AHDC1: variants seen among roughly 807,000 people sequenced by gnomAD.
The protein encoded by AHDC1 is transcription factor Gibbin.
Under a neutral mutation model 87.9 loss-of-function variants are expected in AHDC1, and 7 were observed. The ratio of observed to expected loss-of-function variants is 0.08; its 90% CI spans 0.05 to 0.15. The LOEUF (loss-of-function observed/expected upper bound fraction) is 0.15. Among genes scored for constraint, AHDC1 ranks in the 10% least tolerant of loss-of-function variants. The pLI is 1.00. For missense variants in AHDC1, 1,841 were observed against 2,253.2 expected, an observed-to-expected ratio of 0.82 and a Z score of 3.70; for synonymous variants, 1,051 against 1,006.8, an observed-to-expected ratio of 1.04 and a Z score of -0.83.
chr1:27,589,622 G>A lies in AHDC1; in HGVS notation c.-629+13775C>T, dbSNP rs78166157. On this transcript the variant is annotated intron_variant, in intron 3 of 8. Coordinates refer to ENST00000673934, the MANE Select transcript of AHDC1 (RefSeq NM_001371928.1). ...CGTGTGCTTGTGTTTCTGTATGGGA[G>A]ACTATGCCATGTGTTGTAGTATGGA... Among the ~76,000 whole-genome samples the A allele has an allele frequency of 8.3e-4, 127 of 152,318 alleles. 1 individual carries two copies. The East Asian group carries it at 0.022, about 27-fold the overall frequency.
intron 3 of AHDC1, among the ~76,000 whole-genome samples, chr1:27,589,135 G>T (rs941172621): frequency 1.3e-5 from 2 of 151,974 alleles, no homozygotes; most frequent in African/African-American, 4.8e-5. Context: ...AGGGTGGGGG[G>T]TTCTGACAGA....
At chr1:27,553,757 G>T (rs1188317022) in intron 5 of AHDC1, among the ~76,000 whole-genome samples, 1 of 152,120 alleles carries the variant, frequency 6.6e-6, no homozygotes, top group African/African-American at 2.4e-5. Flanking sequence ...ATGGCCTACA[G>T]CAGCGCTTAA....
At chr1:27,556,170 C>G (rs1461289438) in intron 5 of AHDC1, among the ~76,000 whole-genome samples, 1 of 151,856 alleles carries the variant, frequency 6.6e-6, no homozygotes, top group Non-Finnish European at 1.5e-5. Context: ...CCTTGAGTCC[C>G]CAGCCCCACC....
rs2019427238 is a variant in AHDC1, at chr1:27,549,850, G to A, written c.2266C>T (p.Pro756Ser). 6 of 1,613,210 alleles carry A rather than the reference G, an allele frequency of 3.7e-6. No individual in the cohort carries two copies. In the East Asian group the frequency reaches 1.1e-4, roughly 30 times the overall value. The change falls in exon 8 of 9, where the codon CCC becomes TCC. Residue 756 changes from proline to serine, a missense_variant. Pro to Ser is a moderately conservative substitution (Grantham distance 74, BLOSUM62 -1). This residue lies in a region of AHDC1 where 236 missense variants were observed against 257.9 expected (regional missense o/e 0.92). Coordinates refer to ENST00000673934, the MANE Select transcript of AHDC1 (RefSeq NM_001371928.1). The part of the protein sequence containing the change: ...KNGTLFPEQV[P>S]SGPGFGEAGA... ...GCCTCCCCAAAGCCTGGGCCACTGGGCACCTGCTCTGGGAACAGAGTCCCA... is the reference window on the plus strand; with the variant it reads ...GCCTCCCCAAAGCCTGGGCCACTGGACACCTGCTCTGGGAACAGAGTCCCA...
In AHDC1 at chr1:27,549,338, T is replaced by C. The variant is rs762495070; in HGVS notation, c.2778A>G (p.Ala926=). ...SARQTFPPGR[A]ASYGLTPAAS... ...CGGCTGGAGTTAGCCCATAGCTTGC[T>C]GCTCGTCCTGGTGGGAAGGTCTGGC... Residue 926 remains alanine (A), a synonymous_variant, in exon 8 of 9, where the codon GCA becomes GCG. Transcript: ENST00000673934. 1 of 1,611,504 alleles carries C rather than the reference T, an allele frequency of 6.2e-7. No homozygotes were observed. Among genetic ancestry groups the C allele is most frequent in the Non-Finnish European group, 8.5e-7 (1 of 1,178,446 alleles).
rs1393097051 is a variant in AHDC1, at chr1:27,598,772, C to T, written c.-629+4625G>A. 6.6e-6 allele frequency among the ~76,000 whole-genome samples: 1 copy of T among 152,162 alleles called. No individual in the cohort carries two copies. The highest frequency in any genetic ancestry group is 2.4e-5 in the African/African-American group (1 of 41,414). On this transcript the variant is annotated intron_variant, in intron 3 of 8. Transcript: ENST00000673934. This position sits in a 1 kb window ranked among gnomAD's most constrained non-coding sequence, Gnocchi z 4.2. ...CATCCTGAATCTAGCACCTCACACA[C>T]AAATATATACAGTGCATCCCAGTGC... is the stretch of plus-strand genomic sequence containing the variant.
intron 3 of AHDC1, among the ~76,000 whole-genome samples, chr1:27,594,916 C>T (rs886812542): frequency 6.6e-6 from 1 of 151,748 alleles, no homozygotes; most frequent in Non-Finnish European, 1.5e-5. Context: ...GGTGTGGTAT[C>T]GGGGTGTTTG....
chr1:27,548,287 C>T lies in AHDC1; in HGVS notation c.3829G>A (p.Gly1277Ser), dbSNP rs752509887. The T allele has an allele frequency of 6.8e-5, 110 of 1,607,040 alleles. No individual in the cohort carries two copies. Among genetic ancestry groups the T allele is most frequent in the South Asian group, 3.0e-4 (27 of 90,984 alleles). The change falls in exon 8 of 9, where the codon GGT becomes AGT. Residue 1277 changes from glycine (G) to serine (S), a missense_variant. This residue lies in a region of AHDC1 where 505 missense variants were observed against 626.2 expected (regional missense o/e 0.81). Transcript: ENST00000673934. Reference sequence around the variant, plus strand: ...TCCTTCTTGGCTGAGCAGGCCCCACCGCCCCGTCCACCTCGCGGCTGCCGG... The same window carrying T: ...TCCTTCTTGGCTGAGCAGGCCCCACTGCCCCGTCCACCTCGCGGCTGCCGG... ...GPRQPRGGRG[G>S]GACSAKKERG...
Position 27,562,983 on chromosome 1 carries a change from G to A in AHDC1, c.-628-4100C>T, listed in dbSNP as rs1250968181. 3.3e-5 allele frequency among the ~76,000 whole-genome samples: 5 copies of A among 152,032 alleles called. No homozygotes were observed. Among genetic ancestry groups the A allele is most frequent in the Admixed American group, 1.3e-4 (2 of 15,236 alleles). Reference sequence around the variant, plus strand: ...CTGTCGCTTCCTCCAAACATGAGATGGGCACACCTGACACACCCTCGACAG... The same window carrying A: ...CTGTCGCTTCCTCCAAACATGAGATAGGCACACCTGACACACCCTCGACAG... On this transcript the variant is annotated intron_variant, in intron 3 of 8. Transcript: ENST00000673934. This position sits in a 1 kb window ranked among gnomAD's most constrained non-coding sequence, Gnocchi z 4.4.
At chr1:27,599,176 A>T (rs2089461647) in intron 3 of AHDC1, among the ~76,000 whole-genome samples, 1 of 151,726 alleles carries the variant, frequency 6.6e-6, no homozygotes. Flanking sequence ...ACACAGCCCT[A>T]CCACAGGGCC....
At chr1:27,600,569 G>T (rs1251263995) in intron 3 of AHDC1, among the ~76,000 whole-genome samples, 1 of 152,142 alleles carries the variant, frequency 6.6e-6, no homozygotes, top group Non-Finnish European at 1.5e-5. Context: ...CCTGTCCAAT[G>T]GGGAACAGAA....
At chr1:27,543,301 G>A (rs1363536892) in intron 8 of AHDC1, among the ~76,000 whole-genome samples, 3 of 152,158 alleles carry the variant, frequency 2.0e-5, no homozygotes, top group Non-Finnish European at 4.4e-5. Context: ...AGCCCACAGG[G>A]CCCAACGTGG....
intron 3 of AHDC1, among the ~76,000 whole-genome samples, chr1:27,602,283 C>T (rs372597762): frequency 2.6e-5 from 4 of 152,078 alleles, no homozygotes; most frequent in East Asian, 1.9e-4. Context: ...TCCCTCCTCC[C>T]GCTCTGTGCC....
chr1:27,541,754 C>T (rs541975683), intron 8 of AHDC1, among the ~76,000 whole-genome samples: 4 of 151,882 alleles, frequency 2.6e-5, no homozygotes, highest in South Asian at 2.1e-4. Context: ...CTCAGCTTCC[C>T]GAGTAGCTGG....
Position 27,548,871 on chromosome 1 carries a change from G to A in AHDC1, c.3245C>T (p.Ala1082Val), listed in dbSNP as rs891716890. 1.2e-6 allele frequency: 2 copies of A among 1,612,354 alleles called. No homozygotes were observed. ...KGTTASATSA[A>V]SAASSSSSSF... ...GGAGGAGGAGGAGGAGGCGGCAGAG[G>A]CTGCAGAGGTGGCAGAGGCTGTGGT... is the stretch of plus-strand genomic sequence containing the variant. Residue 1082 changes from alanine (A) to valine (V), a missense_variant, in exon 8 of 9, where the codon GCC becomes GTC. Coordinates refer to ENST00000673934, the MANE Select transcript of AHDC1 (RefSeq NM_001371928.1).
intron 8 of AHDC1, among the ~76,000 whole-genome samples, chr1:27,543,839 A>G (rs1215658693): frequency 6.6e-6 from 1 of 152,110 alleles, no homozygotes; most frequent in Non-Finnish European, 1.5e-5. Context: ...CAGCTACAGG[A>G]AGCTGAGGCA....
At chr1:27,554,861 A>C (rs572290481) in intron 5 of AHDC1, among the ~76,000 whole-genome samples, 6 of 152,352 alleles carry the variant, frequency 3.9e-5, no homozygotes, top group African/African-American at 1.4e-4. Context: ...TGCAATCTAC[A>C]AAGCACCTAC....
chr1:27,568,076 C>A (rs1045852198), intron 3 of AHDC1: 1 of 152,236 alleles, frequency 6.6e-6, no homozygotes, highest in African/African-American at 2.4e-5. Context: ...CTGAGGCGGG[C>A]CGGTGTCTGT....
At chr1:27,540,235 G>A (rs2018843068) in intron 8 of AHDC1, among the ~76,000 whole-genome samples, 1 of 152,040 alleles carries the variant, frequency 6.6e-6, no homozygotes, top group African/African-American at 2.4e-5. Context: ...CAGGCCCAGT[G>A]AGCTCTGAGA....
Sources: gnomAD v4.1 joint callset for allele counts (sites outside exome capture counted in the v4.1 genomes callset) on GRCh38, gnomAD v4.1.1 for gene constraint, gnomAD v4.1.1 regional missense constraint, Gnocchi (gnomAD v3.1) non-coding constraint, MANE v1.5 for transcripts, NCBI Gene and HGNC (gene_info 2026-07-23, HGNC 2026-07-21) for gene names.